The following AFG2A variants were observed in gnomAD, a reference collection of about 807,000 sequenced individuals.
The protein encoded by AFG2A is ATPase family gene 2 protein homolog A.
chr4:122,934,443 G>A, the AFG2A span: 11 of 1,614,110 alleles, frequency 6.8e-6, no homozygotes, highest in Non-Finnish European at 7.6e-6. Context: ...TTATGCTAGA[G>A]GAAGTCACAG....
At chr4:122,995,753 G>A in the AFG2A span, among the ~76,000 whole-genome samples, 7 of 152,156 alleles carry the variant, frequency 4.6e-5, no homozygotes, top group Non-Finnish European at 1.0e-4. Flanking sequence ...TAGAAATAAT[G>A]TTGAAGTTGT....
chr4:122,943,558 C>T, the AFG2A span, among the ~76,000 whole-genome samples: 11 of 152,266 alleles, frequency 7.2e-5, no homozygotes, highest in Middle Eastern at 3.4e-3. Flanking sequence ...TTCCTGAATA[C>T]AGCACACTGA....
At chr4:123,014,114 C>T in the AFG2A span, among the ~76,000 whole-genome samples, 3 of 152,090 alleles carry the variant, frequency 2.0e-5, no homozygotes, top group African/African-American at 4.8e-5. Context: ...TCTGTCTTCC[C>T]TCTGTTTTTA....
At chr4:123,015,866 C>A in the AFG2A span, among the ~76,000 whole-genome samples, 1 of 60,514 alleles carries the variant, frequency 1.7e-5, no homozygotes, top group African/African-American at 4.2e-5. Flanking sequence ...GGGGCTGACC[C>A]CCCCACCTCC....
the AFG2A span, among the ~76,000 whole-genome samples, chr4:122,964,611 T>C: frequency 2.8e-3 from 428 of 152,258 alleles, 7 homozygotes; most frequent in African/African-American, 9.9e-3. Context: ...GAGGAGAGAC[T>C]ATGTGATACA....
the AFG2A span, among the ~76,000 whole-genome samples, chr4:123,307,864 G>A: frequency 6.6e-6 from 1 of 152,212 alleles, no homozygotes; most frequent in Non-Finnish European, 1.5e-5. Context: ...CTGTACAGGT[G>A]TGTAGTGTAG....
At chr4:123,291,276 A>G in the AFG2A span, among the ~76,000 whole-genome samples, 1,870 of 152,212 alleles carry the variant, frequency 0.012, 33 homozygotes, top group African/African-American at 0.042. Context: ...ACCAGTCAGT[A>G]TCTTTTAATT....
At chr4:123,059,997 G>A in the AFG2A span, among the ~76,000 whole-genome samples, 5 of 152,094 alleles carry the variant, frequency 3.3e-5, no homozygotes, top group Non-Finnish European at 7.4e-5. Context: ...TTTTTGATGG[G>A]GTTGTTTGTT....
the AFG2A span, among the ~76,000 whole-genome samples, chr4:123,132,335 G>A: frequency 6.6e-6 from 1 of 152,046 alleles, no homozygotes; most frequent in African/African-American, 2.4e-5. Flanking sequence ...GTTAATAGGA[G>A]TTCAGCTGTT....
At chr4:123,152,505 A>T in the AFG2A span, among the ~76,000 whole-genome samples, 2 of 152,238 alleles carry the variant, frequency 1.3e-5, no homozygotes, top group Admixed American at 1.3e-4. Context: ...AAATAAGCAT[A>T]TGAAAAGATA....
the AFG2A span, among the ~76,000 whole-genome samples, chr4:123,063,968 A>C: frequency 6.6e-6 from 1 of 152,066 alleles, no homozygotes; most frequent in African/African-American, 2.4e-5. Flanking sequence ...TAGATATACT[A>C]TTTGCTTGTT....
the AFG2A span, among the ~76,000 whole-genome samples, chr4:123,001,516 T>C: frequency 4.0e-5 from 6 of 151,352 alleles, no homozygotes; most frequent in Non-Finnish European, 5.9e-5. Flanking sequence ...TTTGTTCTCG[T>C]TGGTTTCAAA....
At chr4:123,115,704 A>C in the AFG2A span, among the ~76,000 whole-genome samples, 137,953 of 151,986 alleles carry the variant, frequency 0.91, 62,844 homozygotes, top group East Asian at 0.98. Flanking sequence ...ACAGCCTGCA[A>C]CCCCACCTGC....
the AFG2A span, among the ~76,000 whole-genome samples, chr4:123,143,831 C>CT: frequency 0.015 from 2,057 of 133,604 alleles, 59 homozygotes; most frequent in African/African-American, 0.052. Flanking sequence ...ACTTCTCTCT[C>CT]TTTTTTTTTT....
chr4:123,292,178 A>C, the AFG2A span, among the ~76,000 whole-genome samples: 3 of 152,096 alleles, frequency 2.0e-5, no homozygotes, highest in Admixed American at 6.5e-5. Context: ...TTTGCATTGC[A>C]TTTTGTAATT....
chr4:123,049,010 G>A, the AFG2A span, among the ~76,000 whole-genome samples: 1 of 152,070 alleles, frequency 6.6e-6, no homozygotes, highest in Non-Finnish European at 1.5e-5. Flanking sequence ...TGTCATATAT[G>A]CCCTTTATCA....
chr4:122,923,782 A>G, the AFG2A span, among the ~76,000 whole-genome samples: 1 of 152,198 alleles, frequency 6.6e-6, no homozygotes, highest in African/African-American at 2.4e-5. Context: ...TAGTGTTAGC[A>G]GTATATATAG....
At chr4:123,173,358 T>TTTTTTTTTC in the AFG2A span, among the ~76,000 whole-genome samples, 9 of 121,742 alleles carry the variant, frequency 7.4e-5, no homozygotes, top group African/African-American at 2.4e-4. Flanking sequence ...TTTTTTTTTT[T>TTTTTTTTTC]TTTTTTTTTT....
At chr4:123,172,197 T>G in the AFG2A span, among the ~76,000 whole-genome samples, 5 of 152,332 alleles carry the variant, frequency 3.3e-5, no homozygotes, top group Non-Finnish European at 5.9e-5. Context: ...CTACCCTAAT[T>G]AGTGCCTTTT....
Sources: allele counts gnomAD v4.1 joint callset (sites outside exome capture counted in the v4.1 genomes callset), GRCh38; gene constraint gnomAD v4.1.1; transcripts MANE v1.5; gene names NCBI Gene and HGNC (gene_info 2026-07-23, HGNC 2026-07-21).